DAB1: variants seen among roughly 807,000 people sequenced by gnomAD.
DAB1 encodes the protein DAB adaptor protein 1, also known as disabled homolog 1.
Under a neutral mutation model 64.6 loss-of-function variants are expected in DAB1, and 15 were observed. The observed-to-expected ratio is 0.23, with a 90% confidence interval of 0.16 to 0.36. DAB1 has a LOEUF of 0.36. Ranked by LOEUF, DAB1 falls within the 10% of genes least tolerant of loss-of-function variation. DAB1 has a pLI of 1.00. For missense variants in DAB1, 596 were observed against 706.7 expected (o/e 0.84, Z 1.78); for synonymous variants, 235 against 251.9 (o/e 0.93, Z 0.64).
chr1:58,287,080 A>G (rs943001944), intron 4 of DAB1, among the ~76,000 whole-genome samples: 3 of 152,216 alleles, frequency 2.0e-5, no homozygotes, highest in Admixed American at 6.5e-5. Context: ...AGAAAACAAA[A>G]CACCACATGT....
intron 6 of DAB1, among the ~76,000 whole-genome samples, chr1:57,814,867 T>G (rs1228879064): frequency 6.6e-6 from 1 of 152,142 alleles, no homozygotes; most frequent in Non-Finnish European, 1.5e-5. Flanking sequence ...AATCGCTTAG[T>G]GCCCTGAGAG....
intron 1 of DAB1, among the ~76,000 whole-genome samples, chr1:57,367,019 C>A (rs564315142): frequency 7.3e-6 from 1 of 136,506 alleles, no homozygotes; most frequent in Non-Finnish European, 1.7e-5. Flanking sequence ...CCAGCCTGGG[C>A]AACACAGTGA....
intron 3 of DAB1, among the ~76,000 whole-genome samples, chr1:58,477,517 T>A (rs1382800744): frequency 6.6e-6 from 1 of 152,108 alleles, no homozygotes; most frequent in Non-Finnish European, 1.5e-5. Context: ...GCTTGAATGT[T>A]GGATCCTGAT....
intron 1 of DAB1, among the ~76,000 whole-genome samples, chr1:58,533,071 A>G (rs1341522446): frequency 1.3e-5 from 2 of 152,230 alleles, no homozygotes; most frequent in Non-Finnish European, 2.9e-5. Flanking sequence ...CAATTTAAAA[A>G]ATACTTTCTC....
chr1:57,136,912 G>T (rs1390201930), intron 3 of DAB1, among the ~76,000 whole-genome samples: 1 of 152,114 alleles, frequency 6.6e-6, no homozygotes, highest in Non-Finnish European at 1.5e-5. Flanking sequence ...GTGTCTAGAT[G>T]TTCAGCTCAG....
intron 3 of DAB1, among the ~76,000 whole-genome samples, chr1:58,455,449 A>C (rs1645184771): frequency 6.6e-6 from 1 of 152,236 alleles, no homozygotes; most frequent in Admixed American, 6.5e-5. Context: ...CTCAGCAGAG[A>C]CATGCAGGCA....
At chr1:57,833,670 G>A (rs1408224557) in intron 1 of DAB1, among the ~76,000 whole-genome samples, 1 of 152,138 alleles carries the variant, frequency 6.6e-6, no homozygotes, top group Non-Finnish European at 1.5e-5. Context: ...TGAGGAGTAG[G>A]CTAAAAGTAG....
intron 5 of DAB1, among the ~76,000 whole-genome samples, chr1:57,896,885 C>T (rs1193797327): frequency 6.6e-6 from 1 of 152,142 alleles, no homozygotes; most frequent in Non-Finnish European, 1.5e-5. Flanking sequence ...TAGTTTGCAT[C>T]TGCATGTGGC....
intron 6 of DAB1, among the ~76,000 whole-genome samples, chr1:57,780,352 G>T (rs1465332129): frequency 6.6e-6 from 1 of 152,090 alleles, no homozygotes; most frequent in Non-Finnish European, 1.5e-5. Context: ...AGTAGATTAG[G>T]AGAGAATTTG....
At chr1:58,470,493 C>T (rs150275418) in intron 3 of DAB1, among the ~76,000 whole-genome samples, 10 of 151,024 alleles carry the variant, frequency 6.6e-5, no homozygotes, top group Non-Finnish European at 1.2e-4. Context: ...ACTTTTCATG[C>T]AGATCCAGGC....
At chr1:57,574,521 T>C (rs947812854) in intron 7 of DAB1, among the ~76,000 whole-genome samples, 10 of 152,370 alleles carry the variant, frequency 6.6e-5, no homozygotes, top group African/African-American at 2.2e-4. Context: ...GCATTTCTCC[T>C]AGATCACACA....
At chr1:57,273,662 C>T (rs1482716992) in intron 2 of DAB1, among the ~76,000 whole-genome samples, 1 of 132,784 alleles carries the variant, frequency 7.5e-6, no homozygotes, top group African/African-American at 2.9e-5. Flanking sequence ...CTTCTCCACT[C>T]GAGTCAAACA....
At chr1:57,043,375 C>A (rs946828252) in intron 9 of DAB1, among the ~76,000 whole-genome samples, 1 of 152,170 alleles carries the variant, frequency 6.6e-6, no homozygotes, top group Admixed American at 6.5e-5. Flanking sequence ...TCCTCTCTCT[C>A]CCACACTTTG....
At chr1:58,533,860 A>C (rs1646474849) in intron 1 of DAB1, 1 of 763,974 alleles carries the variant, frequency 1.3e-6, no homozygotes, top group East Asian at 2.5e-5. Context: ...TATCATTTTT[A>C]AAAAACCTGA....
intron 6 of DAB1, among the ~76,000 whole-genome samples, chr1:57,653,076 T>A (rs1197697823): frequency 6.6e-6 from 1 of 152,238 alleles, no homozygotes; most frequent in African/African-American, 2.4e-5. Context: ...TGAACCTGAA[T>A]ATAGACATAA....
chr1:57,564,172 A>C (rs187109450), intron 7 of DAB1, among the ~76,000 whole-genome samples: 1,819 of 152,300 alleles, frequency 0.012, 53 homozygotes, highest in African/African-American at 0.042. Flanking sequence ...ACCCAGGCAA[A>C]GAGGGTCTGG....
chr1:58,011,415 G>A (rs935116945), intron 5 of DAB1, among the ~76,000 whole-genome samples: 7 of 152,284 alleles, frequency 4.6e-5, no homozygotes, highest in African/African-American at 1.7e-4. Flanking sequence ...CTTTAAGTCA[G>A]TCTTTGAGGT....
intron 4 of DAB1, among the ~76,000 whole-genome samples, chr1:57,092,912 C>A (rs1378132957): frequency 6.6e-6 from 1 of 152,070 alleles, no homozygotes; most frequent in Non-Finnish European, 1.5e-5. Flanking sequence ...CCAGGCCTTC[C>A]TTTTCTAGGC....
chr1:57,431,268 C>T (rs757062083), intron 7 of DAB1, among the ~76,000 whole-genome samples: 3 of 152,022 alleles, frequency 2.0e-5, no homozygotes, highest in Non-Finnish European at 4.4e-5. Context: ...TACAAAATGT[C>T]TTATCTGCCA....
Sources: gnomAD v4.1 joint callset for allele counts (sites outside exome capture counted in the v4.1 genomes callset) on GRCh38, gnomAD v4.1.1 for gene constraint, MANE v1.5 for transcripts, NCBI Gene and HGNC (gene_info 2026-07-23, HGNC 2026-07-21) for gene names.